PLA2G1B: variants seen among roughly 807,000 people sequenced by gnomAD.
PLA2G1B encodes phospholipase A2 group IB, also known as phospholipase A2.
In PLA2G1B, 12 loss-of-function variants were observed where a neutral mutation model predicts 12.5. The observed-to-expected ratio is 0.96, with a 90% confidence interval of 0.62 to 1.56. The LOEUF is 1.56. Ranked by LOEUF, PLA2G1B falls within the 40% of genes most tolerant of loss-of-function variation. The probability of loss-of-function intolerance (pLI) is 0.00; values close to 1 mark genes in which losing one functional copy is unlikely to be tolerated. For synonymous variants in PLA2G1B, 81 were observed against 73.4 expected (o/e 1.10, Z -0.53); for missense variants, 189 against 186.7 (o/e 1.01, Z -0.07).
chr12:120,323,275 TA>T (rs1302786783), intron 3 of PLA2G1B, among the ~76,000 whole-genome samples: 3 of 152,218 alleles, frequency 2.0e-5, no homozygotes, highest in Non-Finnish European at 2.9e-5. Flanking sequence ...TTTATTTATT[TA>T]TTTTTTTGAG....
At chr12:120,324,894 AC>A (rs1170393506) in intron 3 of PLA2G1B, 39 bp downstream of exon 3, 2 of 1,610,008 alleles carry the variant, frequency 1.2e-6, no homozygotes, top group Non-Finnish European at 1.7e-6. Flanking sequence ...CCTACTGAGA[AC>A]CAACTAGAAT....
intron 1 of PLA2G1B, among the ~76,000 whole-genome samples, chr12:120,327,282 G>A (rs939772260): frequency 1.3e-5 from 2 of 151,662 alleles, no homozygotes; most frequent in Non-Finnish European, 2.9e-5. Flanking sequence ...GCGACAGAGT[G>A]AGCCCCGTCT....
chr12:120,326,055 T>A, intron 1 of PLA2G1B, 35 bp from the exon 2 acceptor site: 2 of 1,608,592 alleles, frequency 1.2e-6, no homozygotes, highest in Non-Finnish European at 1.7e-6. Context: ...CAAATCGGTC[T>A]GCCAGCACCC....
intron 3 of PLA2G1B, among the ~76,000 whole-genome samples, chr12:120,322,800 T>C (rs1873264320): frequency 6.6e-6 from 1 of 152,162 alleles, no homozygotes; most frequent in Admixed American, 6.6e-5. Flanking sequence ...TTGTCCAGGC[T>C]GGTCTCAAAC....
intron 2 of PLA2G1B, 68 bp from the exon 3 acceptor site, chr12:120,325,129 A>G (rs1039994919): frequency 3.3e-6 from 5 of 1,537,450 alleles, no homozygotes; most frequent in Non-Finnish European, 4.5e-6. Flanking sequence ...TCACCTGCCC[A>G]CTCTCAGGAA....
At position 120,322,274 on chromosome 12, in the gene PLA2G1B, G is replaced by A; in HGVS notation, c.366C>T (p.Arg122=). Residue 122 remains arginine, a synonymous_variant, in exon 4 of 4, where the codon CGC becomes CGT. Coordinates refer to ENST00000308366, the MANE Select transcript of PLA2G1B (RefSeq NM_000928.3). ...ECEAFICNCD[R]NAAICFSKAP... The stretch of plus-strand genomic sequence containing the variant: ...CTTTTGAAAAGCAGATGGCAGCGTT[G>A]CGGTCGCAGTTGCAAATGAAGGCCT... 6.2e-7 allele frequency: 1 copy of A among 1,614,004 alleles called. No homozygotes were observed. The highest frequency in any genetic ancestry group is 1.1e-5 in the South Asian group (1 of 91,078).
chr12:120,327,224 G>T (rs1423878866), intron 1 of PLA2G1B, among the ~76,000 whole-genome samples: 3 of 152,182 alleles, frequency 2.0e-5, no homozygotes, highest in Non-Finnish European at 4.4e-5. Context: ...GAACCCAGGA[G>T]ATGGAGGTTG....
chr12:120,325,628 A>C (rs1282277204), intron 2 of PLA2G1B, among the ~76,000 whole-genome samples: 1 of 152,224 alleles, frequency 6.6e-6, no homozygotes, highest in African/African-American at 2.4e-5. Context: ...ACATTCTGCC[A>C]CTGGAGGGCA....
intron 3 of PLA2G1B, among the ~76,000 whole-genome samples, chr12:120,324,435 G>T (rs908992740): frequency 6.6e-6 from 1 of 152,180 alleles, no homozygotes. Context: ...GGATGCCAAG[G>T]TAGGAGGATT....
chr12:120,327,201 A>G (rs1476611424), intron 1 of PLA2G1B, among the ~76,000 whole-genome samples: 1 of 152,012 alleles, frequency 6.6e-6, no homozygotes, highest in African/African-American at 2.4e-5. Context: ...AGGCTGAGGC[A>G]AGAGAATTAT....
chr12:120,322,343 T>A, intron 3 of PLA2G1B, 26 bp from the exon 4 acceptor site: 3 of 1,608,200 alleles, frequency 1.9e-6, no homozygotes, highest in Non-Finnish European at 2.5e-6. Flanking sequence ...AGGAGAGGAC[T>A]GAGCCAAGGT....
chr12:120,324,608 C>T (rs1873299999), intron 3 of PLA2G1B, among the ~76,000 whole-genome samples: 1 of 152,108 alleles, frequency 6.6e-6, no homozygotes, highest in African/African-American at 2.4e-5. Context: ...GTTGAGGCTG[C>T]AGTGACCTAT....
chr12:120,324,516 T>A lies in PLA2G1B; in HGVS notation c.322+418A>T, dbSNP rs75692008. Among the ~76,000 whole-genome samples, 688 of 150,600 alleles carry A rather than the reference T, an allele frequency of 4.6e-3. 3 individuals carry two copies. The highest frequency in any genetic ancestry group is 0.016 in the African/African-American group (663 of 40,984). On this transcript the variant is annotated intron_variant, in intron 3 of 3. Transcript: ENST00000308366. ...CCCAGTCTCTACAAAAAAATTTTTTTAATTAGCCAGGCGTGGTGGTGCACG... is the reference window on the plus strand; with the variant it reads ...CCCAGTCTCTACAAAAAAATTTTTTAAATTAGCCAGGCGTGGTGGTGCACG...
intron 1 of PLA2G1B, among the ~76,000 whole-genome samples, chr12:120,327,052 A>G (rs866539038): frequency 6.6e-6 from 1 of 152,056 alleles, no homozygotes; most frequent in Non-Finnish European, 1.5e-5. Flanking sequence ...GAGCAGGATG[A>G]GGAGAATCTA....
chr12:120,326,242 G>A (rs928231951), intron 1 of PLA2G1B: 110 of 277,964 alleles, frequency 4.0e-4, no homozygotes, highest in African/African-American at 1.9e-3. Flanking sequence ...TTGTGTGTGT[G>A]TATATATATA....
At chr12:120,322,372 T>A (rs1873254122) in intron 3 of PLA2G1B, 55 bp from the exon 4 acceptor site, 1 of 1,548,820 alleles carries the variant, frequency 6.5e-7, no homozygotes. Context: ...TTTTGTACAA[T>A]CTGGGGCAAG....
chr12:120,322,612 GTTTCCCT>G (rs1467761725), intron 3 of PLA2G1B, among the ~76,000 whole-genome samples: 1 of 152,118 alleles, frequency 6.6e-6, no homozygotes, highest in Non-Finnish European at 1.5e-5. Context: ...TTAAGACGGA[GTTTCCCT>G]TTTGTCGCCT....
At chr12:120,324,829 G>T in intron 3 of PLA2G1B, 105 bp downstream of exon 3, 1 of 1,235,590 alleles carries the variant, frequency 8.1e-7, no homozygotes, top group Non-Finnish European at 1.2e-6. Context: ...ACACTGCCCA[G>T]AACCAAGAAA....
rs374302239 is a variant in PLA2G1B, at chr12:120,324,908, A to G, written c.322+26T>C. On this transcript the variant is annotated intron_variant, in intron 3 of 3. Transcript: ENST00000308366. Reference sequence around the variant, plus strand: ...GCCTACTGAGAACCAACTAGAATTCATAGGTCAAGGAAGGGATAAACCTAC... The same window carrying G: ...GCCTACTGAGAACCAACTAGAATTCGTAGGTCAAGGAAGGGATAAACCTAC... 8 of 1,612,782 alleles carry G rather than the reference A, an allele frequency of 5.0e-6. No homozygotes were observed. In the African/African-American group the frequency reaches 5.3e-5, roughly 11 times the overall value.
Sources: gnomAD v4.1 joint callset for allele counts (sites outside exome capture counted in the v4.1 genomes callset) on GRCh38, gnomAD v4.1.1 for gene constraint, MANE v1.5 for transcripts, NCBI Gene and HGNC (gene_info 2026-07-23, HGNC 2026-07-21) for gene names.